The following TNFRSF10B variants were observed in gnomAD, a reference collection of about 807,000 sequenced individuals.
The protein encoded by TNFRSF10B is TNF receptor superfamily member 10b.
TNFRSF10B carries 35 observed loss-of-function variants against 41.4 expected under a neutral mutation model. The ratio of observed to expected loss-of-function variants is 0.85; its 90% CI spans 0.65 to 1.12. TNFRSF10B has a LOEUF of 1.12. Ranked by LOEUF, TNFRSF10B falls within the 50% of genes most tolerant of loss-of-function variation. The pLI, the probability that TNFRSF10B is intolerant of heterozygous loss-of-function variation, is 0.00. For missense variants in TNFRSF10B, 584 were observed against 552.7 expected (o/e 1.06, Z -0.57); for synonymous variants, 230 against 215.5 (o/e 1.07, Z -0.59).
intron 2 of TNFRSF10B, among the ~76,000 whole-genome samples, chr8:23,036,832 A>C (rs975038158): frequency 3.3e-5 from 5 of 152,164 alleles, no homozygotes; most frequent in African/African-American, 1.2e-4. Context: ...AACAATAGCG[A>C]AACTCCGTCT....
At position 23,040,270 on chromosome 8, in the gene TNFRSF10B, TATATATA is replaced by T. The variant is rs913484194; in HGVS notation, c.250+2861_250+2867del. 4.8e-5 allele frequency among the ~76,000 whole-genome samples: 6 copies of T among 125,132 alleles called. 1 individual carries two copies. The highest frequency in any genetic ancestry group is 3.0e-4 in the South Asian group (1 of 3,290). The allele number at this position is 125,132 out of a possible 152,430, so 82.1% of individuals were successfully genotyped here. A position where few individuals can be genotyped will look rare whatever the true frequency, so the allele number is the denominator to read the frequency against. ...TATTTAAATATATATTTATTAAATA[TATATATA>T]ATATATATTTATTAAATATATATAA... On this transcript the variant is annotated intron_variant, in intron 2 of 8. Coordinates refer to ENST00000276431, the MANE Select transcript of TNFRSF10B (RefSeq NM_003842.5).
chr8:23,048,437 CAAAAAA>C (rs34985507), intron 1 of TNFRSF10B, among the ~76,000 whole-genome samples: 1 of 93,692 alleles, frequency 1.1e-5, no homozygotes, highest in Non-Finnish European at 2.3e-5. Flanking sequence ...ATTTTTGTGT[CAAAAAA>C]AAAAAAAAAA....
chr8:23,052,285 C>CTTTTTTT (rs35496059), intron 1 of TNFRSF10B, among the ~76,000 whole-genome samples: 1 of 129,536 alleles, frequency 7.7e-6, no homozygotes, highest in African/African-American at 2.9e-5. Flanking sequence ...TAAAGGGTAA[C>CTTTTTTT]TTTTTTTTTT....
intron 2 of TNFRSF10B, among the ~76,000 whole-genome samples, chr8:23,035,924 G>A (rs189408407): frequency 6.6e-6 from 1 of 152,292 alleles, no homozygotes; most frequent in Non-Finnish European, 1.5e-5. Context: ...CCAGGCTGCC[G>A]TAGACATTTT....
intron 2 of TNFRSF10B, among the ~76,000 whole-genome samples, chr8:23,033,620 A>AAG (rs1563310601): frequency 9.3e-6 from 1 of 107,668 alleles, no homozygotes; most frequent in African/African-American, 3.2e-5. Flanking sequence ...AAAAAAAAAA[A>AAG]AGAACCCTGG....
chr8:23,027,599 C>T, intron 6 of TNFRSF10B, 123 bp downstream of exon 6: 1 of 1,404,914 alleles, frequency 7.1e-7, no homozygotes. Flanking sequence ...CCAGAGCACC[C>T]AGGCCACTTC....
intron 2 of TNFRSF10B, among the ~76,000 whole-genome samples, chr8:23,035,917 G>A (rs150820482): frequency 1.1e-3 from 174 of 152,268 alleles, no homozygotes; most frequent in Middle Eastern, 3.4e-3. Context: ...AACAGGTCCA[G>A]GCTGCCGTAG....
At position 23,046,810 on chromosome 8, in the gene TNFRSF10B, T is replaced by C. The variant is rs370689324; in HGVS notation, c.145-3567A>G. Among the ~76,000 whole-genome samples, 11 of 152,170 alleles carry C rather than the reference T, an allele frequency of 7.2e-5. No homozygotes were observed. In the East Asian group the frequency reaches 1.9e-3, roughly 27 times the overall value. ...GCCTATAAATGAATCCACATAGCTA[T>C]GGTCAATTGATTTTTGCCAAAAGTG... On this transcript the variant is annotated intron_variant, in intron 1 of 8. Transcript: ENST00000276431.
intron 1 of TNFRSF10B, among the ~76,000 whole-genome samples, chr8:23,058,632 T>C (rs1236439673): frequency 6.6e-6 from 1 of 152,034 alleles, no homozygotes; most frequent in Non-Finnish European, 1.5e-5. Flanking sequence ...ACTACAGGCA[T>C]GCATCACAAT....
Position 23,020,381 on chromosome 8 carries a change from T to A in TNFRSF10B, c.*2290A>T, listed in dbSNP as rs879487057. ...AACAACAAAACCCCCAATTATTTCA[T>A]GTCGTCAGGAAGCTTACTTTAAAAG... On this transcript the variant is annotated 3_prime_UTR_variant, in exon 9 of 9. Transcript: ENST00000276431. 15 of 453,940 alleles carry A rather than the reference T, an allele frequency of 3.3e-5. No individual in the cohort carries two copies. The highest frequency in any genetic ancestry group is 5.7e-5 in the Non-Finnish European group (13 of 226,786). 28.1% of individuals were successfully genotyped at this position (453,940 alleles called of 1,614,324 possible). A position where few individuals can be genotyped will look rare whatever the true frequency, so the allele number is the denominator to read the frequency against.
intron 1 of TNFRSF10B, among the ~76,000 whole-genome samples, chr8:23,051,752 C>T (rs1812524958): frequency 6.6e-6 from 1 of 152,018 alleles, no homozygotes; most frequent in Non-Finnish European, 1.5e-5. Flanking sequence ...ATCATGTTAG[C>T]CAGGATGGTC....
At chr8:23,067,461 C>A (rs936950468) in intron 1 of TNFRSF10B, among the ~76,000 whole-genome samples, 9 of 151,352 alleles carry the variant, frequency 5.9e-5, no homozygotes, top group African/African-American at 1.9e-4. Flanking sequence ...AAAAACCCCA[C>A]AACAGAGCAA....
intron 1 of TNFRSF10B, among the ~76,000 whole-genome samples, chr8:23,047,626 G>C (rs754040235): frequency 6.6e-6 from 1 of 151,638 alleles, no homozygotes; most frequent in Non-Finnish European, 1.5e-5. Context: ...CGAATCATTA[G>C]GGAAGTGCAA....
At chr8:23,046,161 C>T (rs10111369) in intron 1 of TNFRSF10B, among the ~76,000 whole-genome samples, 26,477 of 151,958 alleles carry the variant, frequency 0.17, 4,672 homozygotes, top group African/African-American at 0.46. Context: ...GTCTATTTGC[C>T]GATGACATGA....
In TNFRSF10B at chr8:23,068,742, G is replaced by T. The variant is rs1281454759; in HGVS notation, c.144+9C>A. The T allele has an allele frequency of 6.4e-7, 1 of 1,571,276 alleles. No individual in the cohort carries two copies. The highest frequency in any genetic ancestry group is 1.9e-5 in the Admixed American group (1 of 53,852). On this transcript the variant is annotated intron_variant, in intron 1 of 8. Coordinates refer to ENST00000276431, the MANE Select transcript of TNFRSF10B (RefSeq NM_003842.5). ...TCTTCCCCAGCCAGGGACCGCGGCGGGGACTCACCAACAGCAGGACCGCGG... is the reference window on the plus strand; with the variant it reads ...TCTTCCCCAGCCAGGGACCGCGGCGTGGACTCACCAACAGCAGGACCGCGG...
At position 23,030,846 on chromosome 8, in the gene TNFRSF10B, C is replaced by A; in HGVS notation, c.277G>T (p.Asp93Tyr). 6.2e-7 allele frequency: 1 copy of A among 1,612,094 alleles called. No homozygotes were observed. Among genetic ancestry groups the A allele is most frequent in the Non-Finnish European group, 8.5e-7 (1 of 1,179,316 alleles). The stretch of plus-strand genomic sequence containing the variant: ...TGTCCATATTTGCAGGAGATGCAAT[C>A]TCTACCGTCTTCTGAGATATGGTGT... ...PGHHISEDGR[D>Y]CISCKYGQDY... Residue 93 changes from aspartate to tyrosine, a missense_variant, in exon 3 of 9, where the codon GAT (aspartate) becomes TAT (tyrosine). Coordinates refer to ENST00000276431, the MANE Select transcript of TNFRSF10B (RefSeq NM_003842.5).
chr8:23,065,282 G>T (rs189549671), intron 1 of TNFRSF10B, among the ~76,000 whole-genome samples: 1 of 152,190 alleles, frequency 6.6e-6, no homozygotes, highest in East Asian at 1.9e-4. Context: ...AGCTCACTGC[G>T]TAAGGACAGC....
intron 1 of TNFRSF10B, among the ~76,000 whole-genome samples, chr8:23,056,240 G>A (rs899897295): frequency 1.8e-4 from 27 of 152,264 alleles, no homozygotes; most frequent in Non-Finnish European, 3.4e-4. Context: ...AGAGTCATCA[G>A]CTTTAAAACT....
intron 7 of TNFRSF10B, among the ~76,000 whole-genome samples, chr8:23,025,636 G>A (rs914195758): frequency 2.1e-4 from 32 of 152,206 alleles, no homozygotes; most frequent in African/African-American, 6.8e-4. Flanking sequence ...TGCATAAAGA[G>A]TTTAGCAAAG....
Sources: gnomAD v4.1 joint callset for allele counts (sites outside exome capture counted in the v4.1 genomes callset) on GRCh38, gnomAD v4.1.1 for gene constraint, MANE v1.5 for transcripts, NCBI Gene and HGNC (gene_info 2026-07-23, HGNC 2026-07-21) for gene names.